PAPSS1: variants seen among roughly 807,000 people sequenced by gnomAD.
PAPSS1 encodes bifunctional 3'-phosphoadenosine 5'-phosphosulfate synthase 1.
A neutral mutation model predicts 72.0 loss-of-function variants in PAPSS1; 50 were observed. The ratio of observed to expected loss-of-function variants is 0.69; its 90% CI spans 0.55 to 0.88. PAPSS1 has a LOEUF of 0.88. Among genes scored for constraint, PAPSS1 ranks in the 40% least tolerant of loss-of-function variants. PAPSS1 has a pLI of 0.00. For missense variants in PAPSS1, 657 were observed against 782.2 expected, an observed-to-expected ratio of 0.84 and a Z score of 1.91; for synonymous variants, 261 against 263.6, an observed-to-expected ratio of 0.99 and a Z score of 0.09.
intron 5 of PAPSS1, among the ~76,000 whole-genome samples, chr4:107,678,223 CT>C (rs1231756503): frequency 8.4e-6 from 1 of 118,880 alleles, no homozygotes; most frequent in African/African-American, 2.8e-5. Flanking sequence ...TAAGTATTAG[CT>C]GAATGTAAAA....
chr4:107,709,967 T>C (rs1723444491), intron 1 of PAPSS1, among the ~76,000 whole-genome samples: 1 of 152,206 alleles, frequency 6.6e-6, no homozygotes, highest in Non-Finnish European at 1.5e-5. Flanking sequence ...AATGAACGCA[T>C]TGGGTGGTTA....
At chr4:107,686,763 T>C (rs762849290) in intron 4 of PAPSS1, among the ~76,000 whole-genome samples, 12 of 152,220 alleles carry the variant, frequency 7.9e-5, no homozygotes, top group Admixed American at 6.5e-4. Flanking sequence ...CAACTTAATG[T>C]TAGGCACCTA....
intron 1 of PAPSS1, among the ~76,000 whole-genome samples, chr4:107,703,090 GTAGAGAAGTTGAGCCGATGAT>G (rs1275368824): frequency 8.5e-5 from 13 of 152,140 alleles, no homozygotes; most frequent in African/African-American, 2.7e-4. Context: ...TCCCTGATGA[GTAGAGAAGTTGAGCCGATGAT>G]TAGAGAAGTT....
intron 1 of PAPSS1, among the ~76,000 whole-genome samples, chr4:107,701,929 AAAGTGGAAT>A: frequency 6.6e-6 from 1 of 152,230 alleles, no homozygotes; most frequent in African/African-American, 2.4e-5. Flanking sequence ...TGAAATGAAA[AAAGTGGAAT>A]GTACTGGTTA....
chr4:107,634,797 A>ATTTT (rs3083966), intron 10 of PAPSS1, among the ~76,000 whole-genome samples: 10,250 of 115,834 alleles, frequency 0.088, 1,173 homozygotes, highest in African/African-American at 0.19. Context: ...TATTCTAGAC[A>ATTTT]TTTTTTTTTT....
intron 5 of PAPSS1, among the ~76,000 whole-genome samples, chr4:107,671,461 C>T (rs1727465489): frequency 6.6e-6 from 1 of 151,966 alleles, no homozygotes; most frequent in African/African-American, 2.4e-5. Flanking sequence ...TTAATAATCC[C>T]ATATACATGT....
At chr4:107,632,131 A>G (rs192427968) in intron 10 of PAPSS1, among the ~76,000 whole-genome samples, 238 of 152,260 alleles carry the variant, frequency 1.6e-3, no homozygotes, top group Middle Eastern at 0.01. Flanking sequence ...ATATGTAAAC[A>G]TACATGTGTC....
At chr4:107,670,084 C>T (rs774867718) in intron 5 of PAPSS1, among the ~76,000 whole-genome samples, 5 of 152,186 alleles carry the variant, frequency 3.3e-5, no homozygotes, top group Non-Finnish European at 7.4e-5. Flanking sequence ...AGGTGAGAGA[C>T]AGTTGGAAGC....
intron 11 of PAPSS1, among the ~76,000 whole-genome samples, chr4:107,627,926 T>A (rs1726139366): frequency 6.6e-6 from 1 of 152,162 alleles, no homozygotes; most frequent in Non-Finnish European, 1.5e-5. Context: ...AAATCCCACA[T>A]GATTTAGAAC....
At chr4:107,709,227 T>C (rs1383228085) in intron 1 of PAPSS1, among the ~76,000 whole-genome samples, 1 of 152,180 alleles carries the variant, frequency 6.6e-6, no homozygotes, top group East Asian at 1.9e-4. Context: ...TAACTCCCAA[T>C]TTTTCAAAGT....
At chr4:107,717,031 T>C (rs971245246) in intron 1 of PAPSS1, among the ~76,000 whole-genome samples, 1 of 152,066 alleles carries the variant, frequency 6.6e-6, no homozygotes, top group Non-Finnish European at 1.5e-5. Context: ...TATCCACATG[T>C]CCCTACTATT....
In PAPSS1 at chr4:107,671,349, G is replaced by A. The variant is rs538163079; in HGVS notation, c.669+10666C>T. 1.6e-3 allele frequency among the ~76,000 whole-genome samples: 238 copies of A among 151,490 alleles called. 2 individuals are homozygous for A. Among genetic ancestry groups the A allele is most frequent in the Non-Finnish European group, 2.7e-3 (180 of 67,910 alleles). On this transcript the variant is annotated intron_variant, in intron 5 of 11. Transcript: ENST00000265174. ...CGTAGGAAAAGTGTCAAACCCAAAG[G>A]ACACTATTCTAAATAGGGCCCCAAA...
At chr4:107,677,702 C>T (rs7377094) in intron 5 of PAPSS1, among the ~76,000 whole-genome samples, 35,295 of 151,904 alleles carry the variant, frequency 0.23, 4,157 homozygotes, top group East Asian at 0.37. Flanking sequence ...ACCCAAAGGA[C>T]TATAAATCAT....
Position 107,701,153 on chromosome 4 carries a change from T to TCC in PAPSS1, c.175+17_175+18insGG. ...GCACTGCTTTTAAAATAAACTGCTT[T>TCC]CTCTCTCTTGACCATACCTGTTAGC... is the stretch of plus-strand genomic sequence containing the variant. On this transcript the variant is annotated intron_variant, in intron 2 of 11. Coordinates refer to ENST00000265174, the MANE Select transcript of PAPSS1 (RefSeq NM_005443.5). 1 of 1,548,248 alleles carries TCC rather than the reference T, an allele frequency of 6.5e-7. No homozygotes were observed. The highest frequency in any genetic ancestry group is 8.9e-7 in the Non-Finnish European group (1 of 1,122,726).
At chr4:107,627,065 T>G (rs1726118624) in intron 11 of PAPSS1, among the ~76,000 whole-genome samples, 1 of 152,230 alleles carries the variant, frequency 6.6e-6, no homozygotes, top group Non-Finnish European at 1.5e-5. Flanking sequence ...ACACAGTTAT[T>G]TAACCAAACA....
In PAPSS1 at chr4:107,614,308, T is replaced by C. The variant is rs531796367; in HGVS notation, c.1816A>G (p.Met606Val). 9.3e-6 allele frequency: 15 copies of C among 1,613,998 alleles called. No individual in the cohort carries two copies. The highest frequency in any genetic ancestry group is 3.3e-5 in the Admixed American group (2 of 60,022). The change falls in exon 12 of 12, where the codon ATG (methionine) becomes GTG (valine). Residue 606 changes from methionine to valine, a missense_variant. Met to Val is a conservative substitution (Grantham distance 21, BLOSUM62 1). Transcript: ENST00000265174. Reference protein sequence around the residue: ...REGQKPPEGFMAPKAWTVLTE... With the variant: ...REGQKPPEGFVAPKAWTVLTE... ...AGCACGGTCCAAGCCTTGGGAGCCATGAAACCTTCAGGTGGTTTCTGGCCT... is the reference window on the plus strand; with the variant it reads ...AGCACGGTCCAAGCCTTGGGAGCCACGAAACCTTCAGGTGGTTTCTGGCCT...
chr4:107,642,226 A>T (rs1726565228), intron 10 of PAPSS1, among the ~76,000 whole-genome samples: 1 of 152,220 alleles, frequency 6.6e-6, no homozygotes, highest in Admixed American at 6.5e-5. Flanking sequence ...TATTTCTAGT[A>T]TTTTAAAAAA....
In PAPSS1 at chr4:107,631,753, C is replaced by T. The variant is rs1726230833; in HGVS notation, c.1614G>A (p.Glu538=). ...TCAGCACTTTGGCACCATGACTTGG[C>T]TCATAAAGATCCTTCCCTGTTTCTG... ...PHPETGKDLY[E]PSHGAKVLTM... is the part of the protein sequence containing the mutation. The change falls in exon 11 of 12, where the codon GAG becomes GAA. Residue 538 remains glutamate (E), a synonymous_variant. Coordinates refer to ENST00000265174, the MANE Select transcript of PAPSS1 (RefSeq NM_005443.5). 6.2e-7 allele frequency: 1 copy of T among 1,614,102 alleles called. No homozygotes were observed. Among genetic ancestry groups the T allele is most frequent in the Non-Finnish European group, 8.5e-7 (1 of 1,179,992 alleles).
At chr4:107,646,688 C>A (rs1168589915) in intron 9 of PAPSS1, among the ~76,000 whole-genome samples, 1 of 152,104 alleles carries the variant, frequency 6.6e-6, no homozygotes, top group African/African-American at 2.4e-5. Context: ...CAGGCACCGC[C>A]CTCCCCGTCA....
Sources: gnomAD v4.1 joint callset for allele counts (sites outside exome capture counted in the v4.1 genomes callset) on GRCh38, gnomAD v4.1.1 for gene constraint, MANE v1.5 for transcripts, NCBI Gene and HGNC (gene_info 2026-07-23, HGNC 2026-07-21) for gene names.